FREM1: variants seen among roughly 807,000 people sequenced by gnomAD.
FREM1 encodes the protein FRAS1 related extracellular matrix 1.
Under a neutral mutation model 210.1 loss-of-function variants are expected in FREM1, and 220 were observed. The ratio of observed to expected loss-of-function variants is 1.05; its 90% CI spans 0.94 to 1.17. The LOEUF is 1.17. FREM1 is among the 50% of genes most tolerant of loss of function. The pLI is 0.00. For synonymous variants in FREM1, 1,189 were observed against 980.2 expected, an observed-to-expected ratio of 1.21 and a Z score of -3.98; for missense variants, 3,454 against 2,675.5, an observed-to-expected ratio of 1.29 and a Z score of -6.42.
At chr9:14,907,820 T>C (rs1196963312) in intron 1 of FREM1, among the ~76,000 whole-genome samples, 1 of 152,214 alleles carries the variant, frequency 6.6e-6, no homozygotes, top group Non-Finnish European at 1.5e-5. Flanking sequence ...GTCATATCCA[T>C]CAATGTCAGA....
At chr9:14,769,682 G>T (rs1847168374) in intron 27 of FREM1, 42 bp downstream of exon 27, 2 of 1,588,468 alleles carry the variant, frequency 1.3e-6, no homozygotes, top group Non-Finnish European at 8.6e-7. Context: ...GATACATTAT[G>T]GATGTAACAT....
At chr9:14,778,766 G>A (rs953018206) in intron 24 of FREM1, among the ~76,000 whole-genome samples, 5 of 102,802 alleles carry the variant, frequency 4.9e-5, no homozygotes, top group African/African-American at 1.6e-4. Flanking sequence ...AAGGAAGTCA[G>A]GCGCGGTAGC....
intron 20 of FREM1, among the ~76,000 whole-genome samples, chr9:14,799,374 T>C (rs761337292): frequency 1.3e-5 from 2 of 152,066 alleles, no homozygotes; most frequent in Non-Finnish European, 2.9e-5. Flanking sequence ...GGGATGTTTA[T>C]GAGAATATGC....
intron 35 of FREM1, among the ~76,000 whole-genome samples, chr9:14,743,118 A>G (rs1373938473): frequency 2.0e-5 from 3 of 152,170 alleles, no homozygotes; most frequent in Non-Finnish European, 4.4e-5. Flanking sequence ...ATGTAGAACT[A>G]CAGTCAGGCT....
Position 14,857,753 on chromosome 9 carries a change from G to T in FREM1, c.632-4C>A. ...CACTTCAGTTTTGCTCTCAGTTCTA[G>T]AATGTACAGCACTGGATTAAGAGAG... On this transcript the variant is annotated splice_region_variant and splice_polypyrimidine_tract_variant and intron_variant, in intron 4 of 36. Transcript: ENST00000380880. The T allele has an allele frequency of 2.5e-6, 4 of 1,590,254 alleles. No individual in the cohort carries two copies. The highest frequency in any genetic ancestry group is 3.4e-6 in the Non-Finnish European group (4 of 1,168,004).
chr9:14,836,441 AC>A lies in FREM1; in HGVS notation c.1881+5005del, dbSNP rs1444423084. On this transcript the variant is annotated intron_variant, in intron 10 of 36. Coordinates refer to ENST00000380880, the MANE Select transcript of FREM1 (RefSeq NM_001379081.2). This position sits in a 1 kb window ranked among gnomAD's most constrained non-coding sequence, Gnocchi z 4.9. The stretch of plus-strand genomic sequence containing the variant: ...TGAAACATGCTGCTTTTGGATTAAC[AC>A]CTAGTAAAGGAAAGGAAAATCTACA... Among the ~76,000 whole-genome samples, 2 of 152,214 alleles carry A rather than the reference AC, an allele frequency of 1.3e-5. No individual in the cohort carries two copies. The highest frequency in any genetic ancestry group is 4.8e-5 in the African/African-American group (2 of 41,462).
In FREM1 at chr9:14,747,636, C is replaced by T. The variant is rs369305667; in HGVS notation, c.5844+45G>A. The T allele has an allele frequency of 5.3e-5, 60 of 1,141,820 alleles. No individual in the cohort carries two copies. The African/African-American group carries it at 8.7e-4, about 17-fold the overall frequency. The allele number at this position is 1,141,820 out of a possible 1,614,324, so 70.7% of individuals were successfully genotyped here. On this transcript the variant is annotated intron_variant, in intron 32 of 36. Coordinates refer to ENST00000380880, the MANE Select transcript of FREM1 (RefSeq NM_001379081.2). ...AAATAATAGCTTCATTAAATACTTGCATCCATAAATATAAGAAATTTAGCA... is the reference window on the plus strand; with the variant it reads ...AAATAATAGCTTCATTAAATACTTGTATCCATAAATATAAGAAATTTAGCA...
chr9:14,852,454 G>A (rs570266584), intron 5 of FREM1, among the ~76,000 whole-genome samples: 49 of 152,300 alleles, frequency 3.2e-4, no homozygotes, highest in Middle Eastern at 3.4e-3. Context: ...CTGGGAGGCC[G>A]AGGTGGGAGG....
Position 14,805,021 on chromosome 9 carries a change from G to T in FREM1, c.3406C>A (p.Pro1136Thr), listed in dbSNP as rs201361772. The T allele has an allele frequency of 1.9e-6, 3 of 1,613,746 alleles. No individual in the cohort carries two copies. In the South Asian group the frequency reaches 3.3e-5, roughly 18 times the overall value. The change falls in exon 19 of 37, where the codon CCA (proline) becomes ACA (threonine). Residue 1136 changes from proline to threonine, a missense_variant. Coordinates refer to ENST00000380880, the MANE Select transcript of FREM1 (RefSeq NM_001379081.2). ...TDGKHHSLEIPFSIIINPTND... is the reference protein window; with the variant it reads ...TDGKHHSLEITFSIIINPTND... ...GTGGGGTTGATTATAATAGAAAATGGTATCTCCAAGGAGTGATGCTTCCCA... is the reference window on the plus strand; with the variant it reads ...GTGGGGTTGATTATAATAGAAAATGTTATCTCCAAGGAGTGATGCTTCCCA...
At chr9:14,894,603 T>C (rs1837377756) in intron 1 of FREM1, among the ~76,000 whole-genome samples, 1 of 152,218 alleles carries the variant, frequency 6.6e-6, no homozygotes, top group South Asian at 2.1e-4. Context: ...AAGACTGAAG[T>C]GATTTTTTTA....
At chr9:14,895,990 G>A (rs1837644971) in intron 1 of FREM1, among the ~76,000 whole-genome samples, 1 of 152,150 alleles carries the variant, frequency 6.6e-6, no homozygotes, top group South Asian at 2.1e-4. Context: ...AAATGAATCT[G>A]AAACCTACTG....
chr9:14,763,217 C>T (rs1418555007), intron 27 of FREM1, among the ~76,000 whole-genome samples: 2 of 152,186 alleles, frequency 1.3e-5, no homozygotes, highest in Non-Finnish European at 2.9e-5. Context: ...TTGCGGGAGG[C>T]TGTCCTGTGT....
intron 29 of FREM1, 98 bp downstream of exon 29, chr9:14,756,276 G>C: frequency 1.1e-6 from 1 of 882,196 alleles, no homozygotes; most frequent in Non-Finnish European, 1.8e-6. Flanking sequence ...GTTGGCTAAA[G>C]TTGTGTAACA....
intron 13 of FREM1, 146 bp downstream of exon 13, chr9:14,823,011 TTTC>T: frequency 2.0e-6 from 1 of 500,936 alleles, no homozygotes. Flanking sequence ...TCCCTGCTTT[TTTC>T]TTCTTTTTTT....
intron 16 of FREM1, among the ~76,000 whole-genome samples, chr9:14,811,145 C>T (rs115199019): frequency 0.018 from 2,804 of 152,250 alleles, 97 homozygotes; most frequent in African/African-American, 0.063. Context: ...CATTCAAATA[C>T]CAAAATACCC....
intron 10 of FREM1, among the ~76,000 whole-genome samples, chr9:14,830,794 A>C (rs1823418217): frequency 6.6e-6 from 1 of 152,142 alleles, no homozygotes. Context: ...GTGTTCCTTC[A>C]CTCATCGAAG....
At chr9:14,860,148 T>G (rs143959634) in intron 3 of FREM1, among the ~76,000 whole-genome samples, 1 of 152,182 alleles carries the variant, frequency 6.6e-6, no homozygotes, top group African/African-American at 2.4e-5. Flanking sequence ...CCAGGCATTA[T>G]GCTAAATTCT....
chr9:14,906,587 G>A (rs895866443), intron 1 of FREM1, among the ~76,000 whole-genome samples: 1 of 152,104 alleles, frequency 6.6e-6, no homozygotes, highest in East Asian at 1.9e-4. Flanking sequence ...TTTCATCTGC[G>A]GTATCTATCC....
At chr9:14,844,550 G>A (rs1308667275) in intron 8 of FREM1, among the ~76,000 whole-genome samples, 1 of 152,112 alleles carries the variant, frequency 6.6e-6, no homozygotes, top group Admixed American at 6.5e-5. Context: ...TTAATGGCAG[G>A]TGCACCCCAT....
Sources: allele counts gnomAD v4.1 joint callset (sites outside exome capture counted in the v4.1 genomes callset), GRCh38; gene constraint gnomAD v4.1.1; non-coding constraint Gnocchi (gnomAD v3.1); transcripts MANE v1.5; gene names NCBI Gene and HGNC (gene_info 2026-07-23, HGNC 2026-07-21).